Variants in WWOX observed in about 807,000 individuals in gnomAD.
WWOX encodes WW domain containing oxidoreductase.
A neutral mutation model predicts 46.2 loss-of-function variants in WWOX; 69 were observed. The observed-to-expected ratio is 1.49, with a 90% CI of 1.23 to 1.82. The LOEUF (loss-of-function observed/expected upper bound fraction) is 1.82. Ranked by LOEUF, WWOX falls within the 40% of genes most tolerant of loss-of-function variation. The pLI, the probability that WWOX is intolerant of heterozygous loss-of-function variation, is 0.00. For missense variants in WWOX, 919 were observed against 542.6 expected (o/e 1.69, Z -6.89); for synonymous variants, 359 against 202.6 (o/e 1.77, Z -6.56).
intron 8 of WWOX, among the ~76,000 whole-genome samples, chr16:78,692,568 A>C (rs75920126): frequency 0.013 from 2,010 of 152,300 alleles, 19 homozygotes; most frequent in South Asian, 0.036. Context: ...AGATTTATAG[A>C]CGTTCCTCTC....
chr16:78,994,943 TTC>T (rs1259596930), intron 8 of WWOX, among the ~76,000 whole-genome samples: 2 of 150,630 alleles, frequency 1.3e-5, no homozygotes, highest in African/African-American at 4.9e-5. Flanking sequence ...CCTTTTTTTT[TTC>T]TTTCTTTTCT....
chr16:78,618,610 T>C (rs1442938066), intron 8 of WWOX, among the ~76,000 whole-genome samples: 1 of 152,180 alleles, frequency 6.6e-6, no homozygotes, highest in Non-Finnish European at 1.5e-5. Context: ...GGGTTTGGGC[T>C]TCCACATACA....
intron 8 of WWOX, among the ~76,000 whole-genome samples, chr16:78,979,092 T>TA (rs1714671527): frequency 2.0e-5 from 3 of 151,378 alleles, no homozygotes; most frequent in African/African-American, 7.3e-5. Context: ...GTCTTTTTTT[T>TA]TTTTTTTCCC....
intron 8 of WWOX, among the ~76,000 whole-genome samples, chr16:79,075,346 A>C (rs975930270): frequency 6.6e-6 from 1 of 152,234 alleles, no homozygotes; most frequent in Non-Finnish European, 1.5e-5. Context: ...AGGGAAAAAA[A>C]ATCACTTATG....
intron 8 of WWOX, among the ~76,000 whole-genome samples, chr16:78,611,376 C>T (rs768756808): frequency 6.6e-6 from 1 of 152,126 alleles, no homozygotes; most frequent in Non-Finnish European, 1.5e-5. Flanking sequence ...GGCTGGGGGC[C>T]AAGGAGATTA....
At chr16:78,971,283 G>C (rs2004675) in intron 8 of WWOX, among the ~76,000 whole-genome samples, 46,539 of 151,250 alleles carry the variant, frequency 0.31, 8,216 homozygotes, top group East Asian at 0.48. Context: ...GGCCAACATG[G>C]TGAAATCCCA....
chr16:78,781,817 G>A (rs146821750), intron 8 of WWOX, among the ~76,000 whole-genome samples: 148 of 152,298 alleles, frequency 9.7e-4, no homozygotes, highest in Non-Finnish European at 1.7e-3. Flanking sequence ...TTTCTTCTAA[G>A]TAGAAGTAAT....
chr16:78,424,107 CTTTTTTTTTTTTG>C (rs1236161695), intron 6 of WWOX, among the ~76,000 whole-genome samples: 2 of 102,124 alleles, frequency 2.0e-5, no homozygotes, highest in East Asian at 4.2e-4. Context: ...CTTTTCTTTT[CTTTTTTTTTTTTG>C]TTTTTTTTTT....
At position 78,889,114 on chromosome 16, in the gene WWOX, G is replaced by A. The variant is rs114287420; in HGVS notation, c.1057-322494G>A. ...AGGTCAGCTTCACTGCCTGCCCTGT[G>A]GAGTCGACTCTGTGTCCCACCCTTC... On this transcript the variant is annotated intron_variant, in intron 8 of 8. Transcript: ENST00000566780. Among the ~76,000 whole-genome samples the A allele has an allele frequency of 9.2e-3, 1,402 of 152,152 alleles. 23 individuals are homozygous for A. The highest frequency in any genetic ancestry group is 0.032 in the African/African-American group (1,338 of 41,494).
At chr16:78,703,468 T>A (rs962137719) in intron 8 of WWOX, among the ~76,000 whole-genome samples, 1 of 151,290 alleles carries the variant, frequency 6.6e-6, no homozygotes, top group Admixed American at 6.6e-5. Context: ...TTTTTTTAAT[T>A]AGCTGGGGAT....
intron 8 of WWOX, among the ~76,000 whole-genome samples, chr16:78,441,959 AGTGTGTGTGTGT>A (rs145693201): frequency 0.018 from 2,579 of 139,782 alleles, 91 homozygotes; most frequent in African/African-American, 0.063. Context: ...TATGCGCATG[AGTGTGTGTGTGT>A]GTGTGTGTGT....
intron 8 of WWOX, chr16:78,756,977 T>G (rs1269444781): frequency 1.4e-6 from 1 of 702,980 alleles, no homozygotes; most frequent in Middle Eastern, 2.3e-4. Flanking sequence ...TACTCAAGCA[T>G]ACCCGTGTAG....
intron 2 of WWOX, 58 bp downstream of exon 2, chr16:78,108,545 T>C: frequency 6.3e-7 from 1 of 1,590,286 alleles, no homozygotes; most frequent in Non-Finnish European, 8.6e-7. Flanking sequence ...TGAGGAAATG[T>C]CACTGGCAGA....
chr16:78,473,461 A>C (rs570470799), intron 8 of WWOX, among the ~76,000 whole-genome samples: 3 of 152,278 alleles, frequency 2.0e-5, no homozygotes, highest in African/African-American at 7.2e-5. Context: ...GGGAAGAGTT[A>C]ACTGATTGCA....
Position 78,716,561 on chromosome 16 carries a change from G to T in WWOX, c.1056+283809G>T, listed in dbSNP as rs115237317. Among the ~76,000 whole-genome samples, 892 of 152,150 alleles carry T rather than the reference G, an allele frequency of 5.9e-3. 3 individuals are homozygous for T. The highest frequency in any genetic ancestry group is 0.021 in the African/African-American group (855 of 41,516). ...CCTATGTCACCTGTGTGTACTCCAT[G>T]CCAGTGTCTTCCCAGCCCCTGCCAG... On this transcript the variant is annotated intron_variant, in intron 8 of 8. Transcript: ENST00000566780.
chr16:79,075,957 T>G (rs2048648152), intron 8 of WWOX, among the ~76,000 whole-genome samples: 1 of 152,328 alleles, frequency 6.6e-6, no homozygotes, highest in Admixed American at 6.5e-5. Flanking sequence ...TTGGATCATG[T>G]GTGGAGTCCC....
intron 8 of WWOX, among the ~76,000 whole-genome samples, chr16:78,820,302 T>C (rs1329649563): frequency 1.3e-5 from 2 of 152,146 alleles, no homozygotes; most frequent in Non-Finnish European, 2.9e-5. Flanking sequence ...TGACCCAAAG[T>C]TTTGGCTACT....
intron 8 of WWOX, among the ~76,000 whole-genome samples, chr16:78,949,822 C>T (rs906032855): frequency 2.6e-5 from 4 of 152,208 alleles, no homozygotes; most frequent in Admixed American, 2.0e-4. Context: ...GAGAAATCTC[C>T]GTTGTAGATT....
At chr16:78,655,825 T>C (rs1473961202) in intron 8 of WWOX, among the ~76,000 whole-genome samples, 4 of 152,240 alleles carry the variant, frequency 2.6e-5, no homozygotes, top group African/African-American at 7.2e-5. Context: ...AGTTAGTCTA[T>C]ATTTAGGTGA....
Sources: gnomAD v4.1 joint callset for allele counts (sites outside exome capture counted in the v4.1 genomes callset) on GRCh38, gnomAD v4.1.1 for gene constraint, MANE v1.5 for transcripts, NCBI Gene and HGNC (gene_info 2026-07-23, HGNC 2026-07-21) for gene names.